Variants in HADHA observed in about 807,000 individuals in gnomAD.
The protein encoded by HADHA is hydroxyacyl-CoA dehydrogenase trifunctional multienzyme complex subunit alpha.
Under a neutral mutation model 91.3 loss-of-function variants are expected in HADHA, and 59 were observed. That is an observed-to-expected ratio of 0.65 (90% CI 0.52 to 0.80). HADHA has a LOEUF of 0.80. Among genes scored for constraint, HADHA ranks in the 30% least tolerant of loss-of-function variants. The pLI, the probability that HADHA is intolerant of heterozygous loss-of-function variation, is 0.00. For missense variants in HADHA, 800 were observed against 927.6 expected (o/e 0.86, Z 1.79); for synonymous variants, 320 against 338.9 (o/e 0.94, Z 0.61).
intron 1 of HADHA, among the ~76,000 whole-genome samples, chr2:26,241,302 G>A (rs1670881673): frequency 1.3e-5 from 2 of 152,120 alleles, no homozygotes; most frequent in Non-Finnish European, 2.9e-5. Context: ...ACGAGATTAA[G>A]GAAGTGAGAA....
chr2:26,196,992 T>C (rs1287786032), intron 14 of HADHA, among the ~76,000 whole-genome samples: 3 of 152,206 alleles, frequency 2.0e-5, no homozygotes, highest in African/African-American at 7.2e-5. Flanking sequence ...GCTAGAAGAG[T>C]AGGAATAAAT....
At chr2:26,236,306 T>C (rs1249231851) in intron 4 of HADHA, among the ~76,000 whole-genome samples, 1 of 151,118 alleles carries the variant, frequency 6.6e-6, no homozygotes, top group Non-Finnish European at 1.5e-5. Context: ...CTGGTTCTTA[T>C]AAACAAGGGG....
At chr2:26,215,670 C>G (rs1670199930) in intron 7 of HADHA, among the ~76,000 whole-genome samples, 1 of 152,064 alleles carries the variant, frequency 6.6e-6, no homozygotes, top group Non-Finnish European at 1.5e-5. Context: ...GGACTGAAGA[C>G]TGGACTTGAC....
rs752285354 is a variant in HADHA, at chr2:26,209,870, A to C, written c.995T>G (p.Met332Arg). The change falls in exon 11 of 20, where the codon ATG becomes AGG. Residue 332 changes from methionine to arginine, a missense_variant. Met to Arg is a moderately conservative substitution (Grantham distance 91). Transcript: ENST00000380649. The part of the protein sequence containing the change: ...CESQKFGELV[M>R]TKESKALMGL... Reference sequence around the variant, plus strand: ...CATCAAGGCCTTTGATTCTTTGGTCATTACAAGCTCTCCAAATTTCTGAAA... The same window carrying C: ...CATCAAGGCCTTTGATTCTTTGGTCCTTACAAGCTCTCCAAATTTCTGAAA... 5 of 1,587,694 alleles carry C rather than the reference A, an allele frequency of 3.1e-6. No homozygotes were observed. In the Admixed American group the frequency reaches 8.3e-5, roughly 26 times the overall value.
chr2:26,240,602 A>C (rs1670866890), intron 1 of HADHA, among the ~76,000 whole-genome samples: 1 of 152,126 alleles, frequency 6.6e-6, no homozygotes, highest in African/African-American at 2.4e-5. Flanking sequence ...GAAAATAAGC[A>C]CCTAAGCAAA....
In HADHA at chr2:26,233,279, C is replaced by G. The variant is rs549366076; in HGVS notation, c.453+938G>C. 5.3e-5 allele frequency among the ~76,000 whole-genome samples: 8 copies of G among 152,288 alleles called. No homozygotes were observed. In the South Asian group the frequency reaches 1.7e-3, roughly 32 times the overall value. On this transcript the variant is annotated intron_variant, in intron 5 of 19. Transcript: ENST00000380649. The stretch of plus-strand genomic sequence containing the variant: ...TGTGACTATTGAATACTGTAGGCAA[C>G]TGTGGCACAGTGATAAGCATTTCTG...
chr2:26,206,421 G>A (rs868835357), intron 11 of HADHA, among the ~76,000 whole-genome samples: 27 of 152,034 alleles, frequency 1.8e-4, no homozygotes, highest in Middle Eastern at 3.4e-3. Flanking sequence ...TAGAGATGGG[G>A]TTTCACCATG....
rs5830004 is a variant in HADHA at position 26,229,348 on chromosome 2, GCACACA to G, written c.676+838_676+843del. On this transcript the variant is annotated intron_variant, in intron 7 of 19. Transcript: ENST00000380649. The surrounding 1 kb of genome is among the most constrained non-coding windows in gnomAD (Gnocchi z 4.3). ...GTGAGACCCCAACATGTGTGCGCGC[GCACACA>G]CACACACACACACACACACAAAATT... 8.1e-5 allele frequency among the ~76,000 whole-genome samples: 12 copies of G among 147,628 alleles called. No homozygotes were observed. The South Asian group carries it at 8.6e-4, about 11-fold the overall frequency.
chr2:26,243,019 G>A (rs1392044218), intron 1 of HADHA, among the ~76,000 whole-genome samples: 1 of 152,234 alleles, frequency 6.6e-6, no homozygotes, highest in Non-Finnish European at 1.5e-5. Flanking sequence ...CCAAAGTGCT[G>A]GGATTACAGG....
chr2:26,222,682 A>G (rs10197494), intron 7 of HADHA, among the ~76,000 whole-genome samples: 125,078 of 152,102 alleles, frequency 0.82, 51,786 homozygotes, highest in African/African-American at 0.93. Flanking sequence ...CTTATAGAGT[A>G]CCTTATGGTA....
chr2:26,230,367 CA>C, intron 6 of HADHA, 73 bp from the exon 7 acceptor site: 2 of 880,488 alleles, frequency 2.3e-6, no homozygotes, highest in Non-Finnish European at 3.9e-6. Flanking sequence ...TACAAATCAT[CA>C]AATGAACAAA....
At chr2:26,239,307 G>A (rs1026126522) in intron 1 of HADHA, among the ~76,000 whole-genome samples, 164 bp from the exon 2 acceptor site, 3 of 152,172 alleles carry the variant, frequency 2.0e-5, no homozygotes. Context: ...CATTTCAGTT[G>A]TTAGGTCAGA....
intron 14 of HADHA, among the ~76,000 whole-genome samples, chr2:26,197,025 T>C (rs913343773): frequency 6.6e-6 from 1 of 152,244 alleles, no homozygotes; most frequent in African/African-American, 2.4e-5. Context: ...TTTCAGTACA[T>C]AGAATTTGTA....
rs370942158 is a variant in HADHA, at chr2:26,193,293, C to CTTT, written c.1885+281_1885+283dup. On this transcript the variant is annotated intron_variant, in intron 17 of 19. Transcript: ENST00000380649. Reference sequence around the variant, plus strand: ...AGCCCTTAGAAGGTTCACATGACATCTTTTTTTTTTTTTTTTTTTGAGAAG... The same window carrying CTTT: ...AGCCCTTAGAAGGTTCACATGACATCTTTTTTTTTTTTTTTTTTTTTTGAGAAG... Among the ~76,000 whole-genome samples the CTTT allele has an allele frequency of 0.16, 18,830 of 114,994 alleles. 3,420 individuals are homozygous for CTTT. Among genetic ancestry groups the CTTT allele is most frequent in the East Asian group, 0.73 (2,719 of 3,742 alleles). The allele number at this position is 114,994 out of a possible 152,430, so 75.4% of individuals were successfully genotyped here.
At position 26,241,445 on chromosome 2, in the gene HADHA, C is replaced by T. The variant is rs185766519; in HGVS notation, c.68-2302G>A. On this transcript the variant is annotated intron_variant, in intron 1 of 19. Transcript: ENST00000380649. ...GACCAGCCTGGCTGACATGGCGAAACCCCGTCTCTACTAAAAATACAACAA... is the reference window on the plus strand; with the variant it reads ...GACCAGCCTGGCTGACATGGCGAAATCCCGTCTCTACTAAAAATACAACAA... 9.2e-5 allele frequency among the ~76,000 whole-genome samples: 14 copies of T among 151,436 alleles called. No homozygotes were observed. In the East Asian group the frequency reaches 2.5e-3, roughly 27 times the overall value.
intron 12 of HADHA, among the ~76,000 whole-genome samples, chr2:26,203,598 C>T (rs562919342): frequency 6.6e-6 from 1 of 152,316 alleles, no homozygotes; most frequent in South Asian, 2.1e-4. Flanking sequence ...GTCCTGATCC[C>T]GGCCCTGCCT....
rs564189440 is a variant in HADHA at position 26,221,250 on chromosome 2, G to T, written c.677-6075C>A. On this transcript the variant is annotated intron_variant, in intron 7 of 19. Coordinates refer to ENST00000380649, the MANE Select transcript of HADHA (RefSeq NM_000182.5). The surrounding 1 kb of genome is among the most constrained non-coding windows in gnomAD (Gnocchi z 4.8). Reference sequence around the variant, plus strand: ...GGCCACGTGATTCAAACCTGATGGCGCCTGAAGTGTCGGCAGCAGACAGAG... The same window carrying T: ...GGCCACGTGATTCAAACCTGATGGCTCCTGAAGTGTCGGCAGCAGACAGAG... 6.6e-6 allele frequency among the ~76,000 whole-genome samples: 1 copy of T among 152,182 alleles called. No homozygotes were observed. The highest frequency in any genetic ancestry group is 1.5e-5 in the Non-Finnish European group (1 of 68,036).
At chr2:26,238,862 A>C (rs1399055604) in intron 3 of HADHA, 72 bp downstream of exon 3, 1 of 906,306 alleles carries the variant, frequency 1.1e-6, no homozygotes. Flanking sequence ...GAAATATGGG[A>C]TACATCTTTC....
intron 7 of HADHA, among the ~76,000 whole-genome samples, chr2:26,217,750 T>C (rs1670274892): frequency 1.3e-5 from 2 of 151,994 alleles, no homozygotes; most frequent in Admixed American, 6.6e-5. Context: ...AAAGAATTTT[T>C]TTTTTAATTA....
Sources: allele counts gnomAD v4.1 joint callset (sites outside exome capture counted in the v4.1 genomes callset), GRCh38; gene constraint gnomAD v4.1.1; non-coding constraint Gnocchi (gnomAD v3.1); transcripts MANE v1.5; gene names NCBI Gene and HGNC (gene_info 2026-07-23, HGNC 2026-07-21).